The following THADA variants were observed in gnomAD, a reference collection of about 807,000 sequenced individuals.
THADA encodes THADA armadillo repeat containing.
Under a neutral mutation model 219.8 loss-of-function variants are expected in THADA, and 213 were observed. That is an observed-to-expected ratio of 0.97 (90% CI 0.87 to 1.09). The LOEUF (loss-of-function observed/expected upper bound fraction) is 1.09. THADA is among the 50% of genes least tolerant of loss of function. The probability of loss-of-function intolerance (pLI) is 0.00; values close to 1 mark genes in which losing one functional copy is unlikely to be tolerated. For missense variants in THADA, 2,956 were observed against 2,311.3 expected (o/e 1.28, Z -5.72); for synonymous variants, 1,018 against 828.9 (o/e 1.23, Z -3.92).
chr2:43,446,947 G>A (rs1681646304), intron 26 of THADA, among the ~76,000 whole-genome samples: 1 of 152,164 alleles, frequency 6.6e-6, no homozygotes, highest in Non-Finnish European at 1.5e-5. Context: ...ACCTGCTGGT[G>A]GCTGTCAGTA....
chr2:43,560,372 T>A lies in THADA; in HGVS notation c.2325A>T (p.Thr775=). ...VFHVPEGRIY[T]VYQLSHDIDV... is the part of the protein sequence containing the mutation. ...CAATATCATGACTCAGCTGATATAC[T>A]GTATAAATTCTGCCTAAAAATATTT... The change falls in exon 16 of 38, where the codon ACA becomes ACT. Residue 775 remains threonine, a synonymous_variant. Coordinates refer to ENST00000405975, the MANE Select transcript of THADA (RefSeq NM_022065.5). The A allele has an allele frequency of 6.3e-7, 1 of 1,586,144 alleles. No individual in the cohort carries two copies. Among genetic ancestry groups the A allele is most frequent in the South Asian group, 1.2e-5 (1 of 85,218 alleles).
At chr2:43,462,220 A>G (rs929721242) in intron 26 of THADA, among the ~76,000 whole-genome samples, 1 of 152,228 alleles carries the variant, frequency 6.6e-6, no homozygotes, top group African/African-American at 2.4e-5. Context: ...TTAATAAAAC[A>G]CCTGCTTTCC....
intron 31 of THADA, among the ~76,000 whole-genome samples, chr2:43,319,879 C>T (rs1157261207): frequency 2.0e-5 from 3 of 152,120 alleles, no homozygotes; most frequent in Non-Finnish European, 4.4e-5. Context: ...TTTGGAGTTG[C>T]CATTTTCCCT....
chr2:43,515,128 TATATATA>T (rs1691305183), intron 22 of THADA, among the ~76,000 whole-genome samples: 1 of 6,028 alleles, frequency 1.7e-4, no homozygotes, highest in East Asian at 7.8e-3. Context: ...TAATATATTT[TATATATA>T]ATATATAATA....
At chr2:43,501,433 A>G (rs1004901592) in intron 24 of THADA, among the ~76,000 whole-genome samples, 1 of 151,994 alleles carries the variant, frequency 6.6e-6, no homozygotes, top group Admixed American at 6.6e-5. Context: ...GGAAGATTCA[A>G]TACTTAAAAA....
chr2:43,356,972 T>A (rs559344643), intron 29 of THADA, among the ~76,000 whole-genome samples: 1 of 152,330 alleles, frequency 6.6e-6, no homozygotes, highest in Non-Finnish European at 1.5e-5. Context: ...TACAGCATCA[T>A]CAAAAGGAAT....
At chr2:43,446,037 C>T (rs931692473) in intron 26 of THADA, among the ~76,000 whole-genome samples, 5 of 152,224 alleles carry the variant, frequency 3.3e-5, no homozygotes, top group African/African-American at 1.2e-4. Context: ...CACTCCTTTA[C>T]ACAGTGAGTT....
chr2:43,353,994 T>A lies in THADA; in HGVS notation c.4228-9757A>T, dbSNP rs191656018. Among the ~76,000 whole-genome samples, 562 of 152,202 alleles carry A rather than the reference T, an allele frequency of 3.7e-3. 9 individuals are homozygous for A. The highest frequency in any genetic ancestry group is 0.026 in the East Asian group (133 of 5,186). On this transcript the variant is annotated intron_variant, in intron 29 of 37. Transcript: ENST00000405975. Reference sequence around the variant, plus strand: ...CACCATGCCCGGCTAATTTTTTGTATTTTTAGTAGAGATGGGGTTTCACCG... The same window carrying A: ...CACCATGCCCGGCTAATTTTTTGTAATTTTAGTAGAGATGGGGTTTCACCG...
At chr2:43,415,899 T>G (rs1442424947) in intron 28 of THADA, among the ~76,000 whole-genome samples, 2 of 152,136 alleles carry the variant, frequency 1.3e-5, no homozygotes, top group African/African-American at 4.8e-5. Flanking sequence ...CTAGTCAAGC[T>G]TTTCTTAAGT....
At chr2:43,527,694 G>A (rs951944851) in intron 22 of THADA, among the ~76,000 whole-genome samples, 185 bp downstream of exon 22, 5 of 152,056 alleles carry the variant, frequency 3.3e-5, no homozygotes, top group African/African-American at 4.8e-5. Flanking sequence ...CAGTTTGGAC[G>A]TTTCAATCAG....
At chr2:43,581,102 T>C (rs912374176) in intron 8 of THADA, among the ~76,000 whole-genome samples, 2 of 152,194 alleles carry the variant, frequency 1.3e-5, no homozygotes, top group Admixed American at 1.3e-4. Flanking sequence ...TTGTGTTAGG[T>C]GTCACTTTTT....
chr2:43,527,192 A>G (rs1224457944), intron 22 of THADA, among the ~76,000 whole-genome samples: 1 of 152,220 alleles, frequency 6.6e-6, no homozygotes, highest in South Asian at 2.1e-4. Context: ...TTCATTTCAA[A>G]AAGTTTCCAG....
At chr2:43,394,603 C>T (rs1673800708) in intron 29 of THADA, among the ~76,000 whole-genome samples, 1 of 152,132 alleles carries the variant, frequency 6.6e-6, no homozygotes, top group African/African-American at 2.4e-5. Flanking sequence ...TCAAAGGTAG[C>T]TTTATGTGGA....
At chr2:43,393,541 CTACTAAAAA>C (rs1010313937) in intron 29 of THADA, among the ~76,000 whole-genome samples, 3 of 152,054 alleles carry the variant, frequency 2.0e-5, no homozygotes, top group Non-Finnish European at 4.4e-5. Context: ...AACCCAGTCT[CTACTAAAAA>C]TACAAAAATT....
intron 36 of THADA, among the ~76,000 whole-genome samples, chr2:43,245,697 C>G (rs1188796929): frequency 6.6e-6 from 1 of 152,160 alleles, no homozygotes; most frequent in Non-Finnish European, 1.5e-5. Context: ...AGGCACTGTG[C>G]TAGTCTTGAA....
Position 43,428,116 on chromosome 2 carries a change from C to G in THADA, c.4042G>C (p.Val1348Leu), listed in dbSNP as rs762773881. 1 of 1,609,514 alleles carries G rather than the reference C, an allele frequency of 6.2e-7. No homozygotes were observed. The highest frequency in any genetic ancestry group is 2.2e-5 in the East Asian group (1 of 44,640). ...TSSALSMGPFVPFIMRCGHSP... is the reference protein window; with the variant it reads ...TSSALSMGPFLPFIMRCGHSP... The stretch of plus-strand genomic sequence containing the variant: ...TGACACTACCTCATAATGAAGGGAA[C>G]AAAAGGTCCCATGCTGAGAGCAGAA... The change falls in exon 28 of 38, where the codon GTT becomes CTT. Residue 1348 changes from valine (V) to leucine (L), a missense_variant. Physicochemically the swap from Val to Leu is conservative, Grantham distance 32. Coordinates refer to ENST00000405975, the MANE Select transcript of THADA (RefSeq NM_022065.5).
At chr2:43,520,930 A>G (rs1191771386) in intron 22 of THADA, among the ~76,000 whole-genome samples, 1 of 126,922 alleles carries the variant, frequency 7.9e-6, no homozygotes, top group Non-Finnish European at 1.6e-5. Context: ...GAAAAAAGAA[A>G]GGGAAGGAGG....
intron 22 of THADA, among the ~76,000 whole-genome samples, chr2:43,525,277 G>C (rs1693021134): frequency 6.6e-6 from 1 of 152,140 alleles, no homozygotes; most frequent in African/African-American, 2.4e-5. Context: ...TGTGGCAGAT[G>C]GCGTTTTTCA....
At chr2:43,329,739 G>A (rs1450697475) in intron 30 of THADA, among the ~76,000 whole-genome samples, 4 of 152,156 alleles carry the variant, frequency 2.6e-5, no homozygotes, top group Admixed American at 2.6e-4. Context: ...CAGGTGAAAA[G>A]TGAGACATTG....
Sources: allele counts gnomAD v4.1 joint callset (sites outside exome capture counted in the v4.1 genomes callset), GRCh38; gene constraint gnomAD v4.1.1; transcripts MANE v1.5; gene names NCBI Gene and HGNC (gene_info 2026-07-23, HGNC 2026-07-21).